Variants in MAGI2 observed in about 807,000 individuals in gnomAD.
MAGI2 encodes membrane-associated guanylate kinase, WW and PDZ domain-containing protein 2.
In MAGI2, 35 loss-of-function variants were observed where a neutral mutation model predicts 133.3. The ratio of observed to expected loss-of-function variants is 0.26; its 90% CI spans 0.20 to 0.35. The LOEUF is 0.35. Ranked by LOEUF, MAGI2 falls within the 10% of genes least tolerant of loss-of-function variation. The probability of loss-of-function intolerance (pLI) is 1.00; values close to 1 mark genes in which losing one functional copy is unlikely to be tolerated. For synonymous variants in MAGI2, 729 were observed against 710.6 expected, an observed-to-expected ratio of 1.03 and a Z score of -0.41; for missense variants, 1,636 against 1,863.4, an observed-to-expected ratio of 0.88 and a Z score of 2.25.
At position 78,142,457 on chromosome 7, in the gene MAGI2, T is replaced by A. The variant is rs1224060152; in HGVS notation, c.2846-7251A>T. Reference sequence around the variant, plus strand: ...TCTGTGGGTGCATTTTCCACTCCCCTGTACATCACTAGAAAAGGCAGTCCA... The same window carrying A: ...TCTGTGGGTGCATTTTCCACTCCCCAGTACATCACTAGAAAAGGCAGTCCA... On this transcript the variant is annotated intron_variant, in intron 16 of 21. Coordinates refer to ENST00000354212, the MANE Select transcript of MAGI2 (RefSeq NM_012301.4). 2.6e-5 allele frequency among the ~76,000 whole-genome samples: 4 copies of A among 152,278 alleles called. 1 individual carries two copies. The South Asian group carries it at 8.3e-4, about 32-fold the overall frequency.
At chr7:78,473,014 T>C (rs184871187) in intron 6 of MAGI2, among the ~76,000 whole-genome samples, 6 of 152,238 alleles carry the variant, frequency 3.9e-5, no homozygotes, top group African/African-American at 1.2e-4. Flanking sequence ...GAAATTATTA[T>C]ACCTCTCAGA....
intron 3 of MAGI2, among the ~76,000 whole-genome samples, chr7:78,587,394 T>C (rs1175208522): frequency 6.6e-6 from 1 of 152,194 alleles, no homozygotes; most frequent in Non-Finnish European, 1.5e-5. Flanking sequence ...CAGCTATTTG[T>C]TGTTTGCAAA....
rs1425922582 is a variant in MAGI2, at chr7:79,453,375, T to A, written c.-55A>T. On this transcript the variant is annotated 5_prime_UTR_variant, in exon 1 of 22. Transcript: ENST00000354212. Reference sequence around the variant, plus strand: ...GGCTCCTTGGGGTTAGGGGGGCTGGTGGTGAGAGAATGAGGATGGAGGAGC... The same window carrying A: ...GGCTCCTTGGGGTTAGGGGGGCTGGAGGTGAGAGAATGAGGATGGAGGAGC... 2 of 1,537,882 alleles carry A rather than the reference T, an allele frequency of 1.3e-6. No homozygotes were observed. The highest frequency in any genetic ancestry group is 1.7e-6 in the Non-Finnish European group (2 of 1,145,826).
intron 6 of MAGI2, among the ~76,000 whole-genome samples, chr7:78,423,976 A>T (rs1799041072): frequency 6.6e-6 from 1 of 152,212 alleles, no homozygotes; most frequent in African/African-American, 2.4e-5. Context: ...CTGAGGCGAA[A>T]TTGAAGCCAG....
chr7:78,540,202 A>G (rs943513632), intron 3 of MAGI2, among the ~76,000 whole-genome samples: 2 of 152,162 alleles, frequency 1.3e-5, no homozygotes, highest in Non-Finnish European at 2.9e-5. Context: ...ACCATCAGGT[A>G]GGGGCAGGGT....
chr7:78,384,125 A>G (rs1210790637), intron 6 of MAGI2, among the ~76,000 whole-genome samples: 1 of 151,900 alleles, frequency 6.6e-6, no homozygotes, highest in Non-Finnish European at 1.5e-5. Flanking sequence ...TTCTAATTCT[A>G]TGAAGAATGA....
chr7:79,280,089 G>C (rs984365978), intron 1 of MAGI2, among the ~76,000 whole-genome samples: 3 of 152,052 alleles, frequency 2.0e-5, no homozygotes, highest in Admixed American at 6.5e-5. Context: ...TGTAGATTTA[G>C]TACATAGCTA....
chr7:78,960,774 G>A (rs1321195766), intron 2 of MAGI2, among the ~76,000 whole-genome samples: 1 of 152,048 alleles, frequency 6.6e-6, no homozygotes, highest in Non-Finnish European at 1.5e-5. Context: ...CCCAGAACAT[G>A]GAACTAACTC....
intron 1 of MAGI2, among the ~76,000 whole-genome samples, chr7:79,372,054 T>C (rs1207596223): frequency 6.6e-6 from 1 of 152,132 alleles, no homozygotes; most frequent in Non-Finnish European, 1.5e-5. Context: ...TTCTATTTTA[T>C]GGGTAAAAAA....
chr7:78,448,069 G>A (rs1365033111), intron 6 of MAGI2, among the ~76,000 whole-genome samples: 1 of 152,012 alleles, frequency 6.6e-6, no homozygotes, highest in African/African-American at 2.4e-5. Context: ...ATGCCCTCCA[G>A]TTCATCCACA....
At chr7:78,124,494 G>T (rs1820770600) in intron 20 of MAGI2, among the ~76,000 whole-genome samples, 1 of 152,198 alleles carries the variant, frequency 6.6e-6, no homozygotes, top group Non-Finnish European at 1.5e-5. Flanking sequence ...CTCTGACTTG[G>T]AAATGCGTAT....
At chr7:78,682,540 G>A (rs1198973408) in intron 2 of MAGI2, among the ~76,000 whole-genome samples, 11 of 152,128 alleles carry the variant, frequency 7.2e-5, no homozygotes, top group African/African-American at 1.7e-4. Context: ...CCCTGCAAAC[G>A]ACATGAACTC....
chr7:78,487,179 A>G (rs1793117048), intron 6 of MAGI2: 2 of 213,944 alleles, frequency 9.3e-6, no homozygotes, highest in South Asian at 8.2e-5. Context: ...ATGGGGAAAA[A>G]AAAAAAAAAA....
chr7:79,256,484 CTCTTT>C (rs1484658422), intron 1 of MAGI2, among the ~76,000 whole-genome samples: 1 of 129,642 alleles, frequency 7.7e-6, no homozygotes, highest in Non-Finnish European at 1.6e-5. Context: ...CTCTCTCTCT[CTCTTT>C]TTTTTTTTTT....
chr7:79,288,238 T>C (rs559053684), intron 1 of MAGI2, among the ~76,000 whole-genome samples: 22 of 152,284 alleles, frequency 1.4e-4, no homozygotes, highest in African/African-American at 5.1e-4. Flanking sequence ...ATGCTTCAGC[T>C]TCTTCATCTA....
rs369780232 is a variant in MAGI2 at position 79,238,485 on chromosome 7, G to A, written c.301+214535C>T. Among the ~76,000 whole-genome samples the A allele has an allele frequency of 3.7e-4, 57 of 152,166 alleles. No individual in the cohort carries two copies. The East Asian group carries it at 9.5e-3, about 25-fold the overall frequency. On this transcript the variant is annotated intron_variant, in intron 1 of 21. Coordinates refer to ENST00000354212, the MANE Select transcript of MAGI2 (RefSeq NM_012301.4). ...ACTAGTATTATGGCAGGACATATACGTCAAGAAATTGGAGAGAAGATAAAG... is the reference window on the plus strand; with the variant it reads ...ACTAGTATTATGGCAGGACATATACATCAAGAAATTGGAGAGAAGATAAAG...
intron 20 of MAGI2, among the ~76,000 whole-genome samples, chr7:78,123,105 A>G (rs61596503): frequency 0.12 from 18,495 of 152,264 alleles, 1,312 homozygotes; most frequent in Middle Eastern, 0.19. Context: ...AAGAAAAGCA[A>G]GCAGACGTGA....
chr7:79,291,851 C>T (rs1023349442), intron 1 of MAGI2, among the ~76,000 whole-genome samples: 2 of 152,068 alleles, frequency 1.3e-5, no homozygotes, highest in African/African-American at 4.8e-5. Flanking sequence ...AATATTTTCA[C>T]CCATTCTGTG....
chr7:79,245,897 C>A (rs1171993768), intron 1 of MAGI2, among the ~76,000 whole-genome samples: 1 of 152,134 alleles, frequency 6.6e-6, no homozygotes, highest in Non-Finnish European at 1.5e-5. Flanking sequence ...CTGGAGTCAC[C>A]CTTCCCCCAG....
Sources: allele counts gnomAD v4.1 joint callset (sites outside exome capture counted in the v4.1 genomes callset), GRCh38; gene constraint gnomAD v4.1.1; transcripts MANE v1.5; gene names NCBI Gene and HGNC (gene_info 2026-07-23, HGNC 2026-07-21).